CAMTA1: variants seen among roughly 807,000 people sequenced by gnomAD.
CAMTA1 encodes calmodulin binding transcription activator 1.
A neutral mutation model predicts 170.9 loss-of-function variants in CAMTA1; 27 were observed. The ratio of observed to expected loss-of-function variants is 0.16; its 90% CI spans 0.12 to 0.22. CAMTA1 has a LOEUF of 0.22. Ranked by LOEUF, CAMTA1 falls within the 10% of genes least tolerant of loss-of-function variation. The probability of loss-of-function intolerance (pLI) is 1.00; values close to 1 mark genes in which losing one functional copy is unlikely to be tolerated. For synonymous variants in CAMTA1, 833 were observed against 891.5 expected (o/e 0.93, Z 1.17); for missense variants, 1,619 against 2,217.2 (o/e 0.73, Z 5.42).
chr1:7,500,579 G>A (rs929656696), intron 6 of CAMTA1, among the ~76,000 whole-genome samples: 19 of 152,264 alleles, frequency 1.2e-4, no homozygotes, highest in Admixed American at 1.0e-3. Flanking sequence ...CTGCTCCCCT[G>A]GGTGGGCCCG....
intron 5 of CAMTA1, among the ~76,000 whole-genome samples, chr1:7,392,089 C>A (rs781258652): frequency 7.9e-5 from 12 of 152,126 alleles, no homozygotes; most frequent in Non-Finnish European, 1.8e-4. Flanking sequence ...CAACTGTGTT[C>A]CAAAGAGACT....
chr1:7,103,996 A>C (rs1218731004), intron 4 of CAMTA1, among the ~76,000 whole-genome samples: 1 of 151,630 alleles, frequency 6.6e-6, no homozygotes, highest in African/African-American at 2.4e-5. Context: ...AAGTACACAC[A>C]TGAACACAAC....
chr1:7,112,126 G>A (rs1017151723), intron 4 of CAMTA1, among the ~76,000 whole-genome samples: 16 of 151,772 alleles, frequency 1.1e-4, no homozygotes, highest in Admixed American at 5.2e-4. Context: ...TGTGTGGGTC[G>A]CCGGTGCATT....
intron 3 of CAMTA1, among the ~76,000 whole-genome samples, chr1:7,068,534 A>T (rs1709258464): frequency 6.6e-6 from 1 of 151,932 alleles, no homozygotes; most frequent in Admixed American, 6.6e-5. Flanking sequence ...CACGATGGGG[A>T]TGAACGTGCC....
chr1:7,658,982 G>A (rs572895552), intron 7 of CAMTA1, among the ~76,000 whole-genome samples: 11 of 152,278 alleles, frequency 7.2e-5, no homozygotes, highest in Middle Eastern at 3.4e-3. Context: ...TGAACATGGC[G>A]GCTTGGCAAA....
At chr1:7,491,199 C>G (rs1051433575) in intron 6 of CAMTA1, among the ~76,000 whole-genome samples, 1 of 152,162 alleles carries the variant, frequency 6.6e-6, no homozygotes, top group Admixed American at 6.5e-5. Flanking sequence ...CCATGTACCC[C>G]CTGCCATCAC....
chr1:7,076,098 G>A (rs1422331032), intron 3 of CAMTA1, among the ~76,000 whole-genome samples: 1 of 152,148 alleles, frequency 6.6e-6, no homozygotes, highest in African/African-American at 2.4e-5. Flanking sequence ...GGAATTAGTG[G>A]AACTTTAAAG....
intron 22 of CAMTA1, among the ~76,000 whole-genome samples, chr1:7,761,713 C>A (rs1293291825): frequency 1.3e-5 from 2 of 152,098 alleles, no homozygotes; most frequent in Non-Finnish European, 2.9e-5. Flanking sequence ...GTTAATGAAA[C>A]CAGTTCAGTC....
intron 7 of CAMTA1, among the ~76,000 whole-genome samples, chr1:7,645,311 C>T (rs1401538917): frequency 6.6e-6 from 1 of 152,224 alleles, no homozygotes; most frequent in Non-Finnish European, 1.5e-5. Flanking sequence ...CTGGAACCTA[C>T]AGAAAGCCAG....
At chr1:7,155,386 T>C (rs995430939) in intron 4 of CAMTA1, among the ~76,000 whole-genome samples, 2 of 87,666 alleles carry the variant, frequency 2.3e-5, no homozygotes, top group Non-Finnish European at 4.9e-5. Context: ...GAGGGCACCG[T>C]TGGGGGGGGG....
rs1336866629 is a variant in CAMTA1, at chr1:7,767,973, T to C, written c.*1482T>C. ...TTTAGTTTATTTTATTTAAAATTTTTTTGCCAATGGTGCCAAGTAATGTGA... is the reference window on the plus strand; with the variant it reads ...TTTAGTTTATTTTATTTAAAATTTTCTTGCCAATGGTGCCAAGTAATGTGA... On this transcript the variant is annotated 3_prime_UTR_variant, in exon 23 of 23. Coordinates refer to ENST00000303635, the MANE Select transcript of CAMTA1 (RefSeq NM_015215.4). 1 of 152,588 alleles carries C rather than the reference T, an allele frequency of 6.6e-6. No homozygotes were observed. Among genetic ancestry groups the C allele is most frequent in the Non-Finnish European group, 1.5e-5 (1 of 67,992 alleles). The allele number at this position is 152,588 out of a possible 1,614,324, so 9.5% of individuals were successfully genotyped here.
intron 3 of CAMTA1, among the ~76,000 whole-genome samples, chr1:6,844,690 CAA>C (rs1180942073): frequency 0.11 from 5,658 of 51,850 alleles, 102 homozygotes; most frequent in East Asian, 0.29. Context: ...ACCCTGTGTC[CAA>C]AAAAAAAAAA....
In CAMTA1 at chr1:7,067,573, G is replaced by GAACAAGGTA. The variant is rs1709121984; in HGVS notation, c.235-23731_235-23730insAACAAGGTA. 6.6e-6 allele frequency among the ~76,000 whole-genome samples: 1 copy of GAACAAGGTA among 152,176 alleles called. No homozygotes were observed. The highest frequency in any genetic ancestry group is 1.5e-5 in the Non-Finnish European group (1 of 68,040). ...ATGCTGGGAACCATGTTCCTTGCAA[G>GAACAAGGTA]GCATACGGCAAAGAACAAGGTAGAT... On this transcript the variant is annotated intron_variant, in intron 3 of 22. Transcript: ENST00000303635. This position sits in a 1 kb window ranked among gnomAD's most constrained non-coding sequence, Gnocchi z 4.3.
At chr1:6,881,978 A>C (rs910940897) in intron 3 of CAMTA1, among the ~76,000 whole-genome samples, 3 of 152,298 alleles carry the variant, frequency 2.0e-5, no homozygotes, top group African/African-American at 7.2e-5. Context: ...AAAAAATAAA[A>C]GTAAAATAAA....
At chr1:7,419,987 A>G (rs1298209318) in intron 5 of CAMTA1, among the ~76,000 whole-genome samples, 2 of 152,104 alleles carry the variant, frequency 1.3e-5, no homozygotes, top group Non-Finnish European at 2.9e-5. Flanking sequence ...TGTTTCTGCC[A>G]TTGGCCCCCG....
rs1454667632 is a variant in CAMTA1, at chr1:7,642,226, G to A, written c.664+1673G>A. On this transcript the variant is annotated intron_variant, in intron 7 of 22. Coordinates refer to ENST00000303635, the MANE Select transcript of CAMTA1 (RefSeq NM_015215.4). The surrounding 1 kb of genome is among the most constrained non-coding windows in gnomAD (Gnocchi z 6.3). ...TCGTGAGCCTCTTCAAAATGCTGCC[G>A]AGCACCGGGAAGCATGGGGAAATGG... is the stretch of plus-strand genomic sequence containing the variant. Among the ~76,000 whole-genome samples, 4 of 152,182 alleles carry A rather than the reference G, an allele frequency of 2.6e-5. No homozygotes were observed. Among genetic ancestry groups the A allele is most frequent in the East Asian group, 3.9e-4 (2 of 5,180 alleles).
At chr1:7,597,157 T>A (rs1576311150) in intron 6 of CAMTA1, among the ~76,000 whole-genome samples, 1 of 151,892 alleles carries the variant, frequency 6.6e-6, no homozygotes, top group Non-Finnish European at 1.5e-5. Flanking sequence ...TAGGCAAGGG[T>A]CTTGGACAAA....
chr1:7,076,995 A>C (rs1314129687), intron 3 of CAMTA1, among the ~76,000 whole-genome samples: 1 of 152,252 alleles, frequency 6.6e-6, no homozygotes, highest in Non-Finnish European at 1.5e-5. Context: ...TTGTCTTATG[A>C]AGGCAGGTTA....
intron 5 of CAMTA1, among the ~76,000 whole-genome samples, chr1:7,298,506 C>T (rs918381738): frequency 6.6e-6 from 1 of 152,168 alleles, no homozygotes; most frequent in Non-Finnish European, 1.5e-5. Context: ...GCCCTCTCTT[C>T]TGGGACTGTC....
Sources: gnomAD v4.1 joint callset for allele counts (sites outside exome capture counted in the v4.1 genomes callset) on GRCh38, gnomAD v4.1.1 for gene constraint, Gnocchi (gnomAD v3.1) non-coding constraint, MANE v1.5 for transcripts, NCBI Gene and HGNC (gene_info 2026-07-23, HGNC 2026-07-21) for gene names.